PLCB4: variants seen among roughly 807,000 people sequenced by gnomAD.
PLCB4 encodes 1-phosphatidylinositol 4,5-bisphosphate phosphodiesterase beta-4.
Under a neutral mutation model 178.8 loss-of-function variants are expected in PLCB4, and 77 were observed. The ratio of observed to expected loss-of-function variants is 0.43; its 90% CI spans 0.36 to 0.52. The LOEUF is 0.52. Ranked by LOEUF, PLCB4 falls within the 20% of genes least tolerant of loss-of-function variation. The pLI, the probability that PLCB4 is intolerant of heterozygous loss-of-function variation, is 0.00. For synonymous variants in PLCB4, 496 were observed against 490.8 expected, an observed-to-expected ratio of 1.01 and a Z score of -0.14; for missense variants, 1,024 against 1,453.4, an observed-to-expected ratio of 0.70 and a Z score of 4.80.
chr20:9,200,528 ATG>A (rs2147184641), intron 2 of PLCB4, among the ~76,000 whole-genome samples: 1 of 152,326 alleles, frequency 6.6e-6, no homozygotes, highest in Non-Finnish European at 1.5e-5. Flanking sequence ...ACTGCTCAGA[ATG>A]TTCTGATTGC....
intron 3 of PLCB4, among the ~76,000 whole-genome samples, chr20:9,267,775 A>C (rs1471424273): frequency 3.3e-5 from 5 of 152,102 alleles, no homozygotes. Context: ...TCACTTTAAG[A>C]TGTGCTTGAT....
At chr20:9,478,786 T>C (rs2044723382) in intron 39 of PLCB4, 135 bp from the exon 40 acceptor site, 1 of 677,564 alleles carries the variant, frequency 1.5e-6, no homozygotes, top group Non-Finnish European at 2.7e-6. Context: ...CTGATGCTGC[T>C]TGTACATGGA....
intron 28 of PLCB4, 121 bp from the exon 29 acceptor site, chr20:9,435,438 GA>G: frequency 1.7e-6 from 1 of 598,812 alleles, no homozygotes; most frequent in Non-Finnish European, 2.9e-6. Context: ...TATGTCCTAG[GA>G]AAAGATTATT....
chr20:9,353,898 T>G (rs1355161290), intron 7 of PLCB4, among the ~76,000 whole-genome samples: 2 of 152,212 alleles, frequency 1.3e-5, no homozygotes, highest in African/African-American at 2.4e-5. Flanking sequence ...GTTCTGATCA[T>G]GTACCCCAAT....
chr20:9,366,867 G>A (rs764778240), intron 9 of PLCB4, among the ~76,000 whole-genome samples: 18 of 152,134 alleles, frequency 1.2e-4, no homozygotes, highest in Admixed American at 6.5e-5. Flanking sequence ...TAGCAAATAC[G>A]CAAATCAACA....
At chr20:9,414,281 C>T (rs2040085797) in intron 25 of PLCB4, among the ~76,000 whole-genome samples, 1 of 152,188 alleles carries the variant, frequency 6.6e-6, no homozygotes, top group Non-Finnish European at 1.5e-5. Flanking sequence ...TTCCCATACA[C>T]CCAGCTGGTG....
intron 2 of PLCB4, among the ~76,000 whole-genome samples, chr20:9,116,735 C>T (rs2091793297): frequency 6.6e-6 from 1 of 152,004 alleles, no homozygotes; most frequent in South Asian, 2.1e-4. Context: ...AAAAAAATCC[C>T]AGTGGAAATT....
intron 13 of PLCB4, among the ~76,000 whole-genome samples, chr20:9,381,328 G>C (rs1015387901): frequency 1.3e-5 from 2 of 152,128 alleles, no homozygotes; most frequent in Admixed American, 6.5e-5. Flanking sequence ...CAGTTTCCCT[G>C]CTTGTAAGGT....
At position 9,255,931 on chromosome 20, in the gene PLCB4, C is replaced by CAT. The variant is rs138284966; in HGVS notation, c.-16+38493_-16+38494dup. 9.0e-3 allele frequency among the ~76,000 whole-genome samples: 1,359 copies of CAT among 150,206 alleles called. 19 individuals carry two copies. The highest frequency in any genetic ancestry group is 0.03 in the African/African-American group (1,229 of 41,114). ...CAGATCTGTTGGGACTATTGCATAA[C>CAT]ATATATATATATATACACACACCAT... On this transcript the variant is annotated intron_variant, in intron 3 of 39. Transcript: ENST00000378473.
chr20:9,311,035 T>G (rs1384935972), intron 4 of PLCB4, among the ~76,000 whole-genome samples: 1 of 152,238 alleles, frequency 6.6e-6, no homozygotes, highest in African/African-American at 2.4e-5. Context: ...ATTAAATCTT[T>G]AAAAGACAGA....
chr20:9,302,913 T>C (rs895367895), intron 3 of PLCB4, among the ~76,000 whole-genome samples: 6 of 152,096 alleles, frequency 3.9e-5, no homozygotes, highest in South Asian at 2.1e-4. Context: ...CTCTTACTGA[T>C]TTAAAATGAA....
intron 2 of PLCB4, among the ~76,000 whole-genome samples, chr20:9,138,942 G>A (rs2092435664): frequency 6.6e-6 from 1 of 152,048 alleles, no homozygotes; most frequent in Admixed American, 6.6e-5. Flanking sequence ...GGTAACTATA[G>A]TACATGGGTA....
intron 8 of PLCB4, among the ~76,000 whole-genome samples, chr20:9,364,545 C>T (rs796947423): frequency 2.3e-4 from 35 of 152,252 alleles, no homozygotes; most frequent in African/African-American, 7.2e-4. Flanking sequence ...TCCCTCTTGC[C>T]GCCAAGTCTG....
At chr20:9,272,031 G>A (rs551135478) in intron 3 of PLCB4, among the ~76,000 whole-genome samples, 9 of 151,574 alleles carry the variant, frequency 5.9e-5, no homozygotes, top group Admixed American at 3.3e-4. Flanking sequence ...AAAAAAATTG[G>A]CTGGGCGTGG....
In PLCB4 at chr20:9,459,801, C is replaced by T. The variant is rs1489197873; in HGVS notation, c.3239C>T (p.Ser1080Phe). 1.3e-6 allele frequency: 2 copies of T among 1,599,852 alleles called. No individual in the cohort carries two copies. Among genetic ancestry groups the T allele is most frequent in the Non-Finnish European group, 1.7e-6 (2 of 1,168,496 alleles). Residue 1080 changes from serine to phenylalanine, a missense_variant, in exon 35 of 40, where the codon TCC (serine) becomes TTC (phenylalanine). Around this residue, in one of 7 missense-constraint regions of PLCB4, gnomAD observed 264 missense variants for 283.2 expected, o/e 0.93. Coordinates refer to ENST00000378473, the MANE Select transcript of PLCB4 (RefSeq NM_001377142.1). Reference protein sequence around the residue: ...HEQQTQQLKLSHDRESKEMRA... With the variant: ...HEQQTQQLKLFHDRESKEMRA... ...CAGCAAACCCAGCAGCTGAAACTGT[C>T]CCATGACAGGTGGGGGAATTGCCGT...
chr20:9,472,894 A>C, intron 37 of PLCB4, 47 bp downstream of exon 37: 1 of 1,064,128 alleles, frequency 9.4e-7, no homozygotes, highest in Non-Finnish European at 1.4e-6. Context: ...AAAAAACTAT[A>C]AACAATAACA....
chr20:9,182,175 G>T (rs762782213), intron 2 of PLCB4, among the ~76,000 whole-genome samples: 13 of 152,210 alleles, frequency 8.5e-5, no homozygotes, highest in Non-Finnish European at 1.9e-4. Context: ...CCTTGTTGAA[G>T]AATTGGTTCT....
At position 9,073,879 on chromosome 20, in the gene PLCB4, GT is replaced by G. The variant is rs929352206; in HGVS notation, c.-135+4674del. On this transcript the variant is annotated intron_variant, in intron 1 of 39. Coordinates refer to ENST00000378473, the MANE Select transcript of PLCB4 (RefSeq NM_001377142.1). ...CTCTAGCCTGGGTGACAGAGTGACA[GT>G]CTATTAAAAAATAATAATAAAATGA... is the stretch of plus-strand genomic sequence containing the variant. Among the ~76,000 whole-genome samples the G allele has an allele frequency of 1.0e-3, 100 of 95,736 alleles. 1 individual carries two copies. Among genetic ancestry groups the G allele is most frequent in the African/African-American group, 3.6e-3 (96 of 26,476 alleles). 62.8% of individuals were successfully genotyped at this position (95,736 alleles called of 152,430 possible).
At chr20:9,256,424 CTT>C (rs1299408005) in intron 3 of PLCB4, among the ~76,000 whole-genome samples, 1 of 152,198 alleles carries the variant, frequency 6.6e-6, no homozygotes, top group East Asian at 1.9e-4. Context: ...AATTGTCTCT[CTT>C]AGAGAAGTAG....
Sources: allele counts gnomAD v4.1 joint callset (sites outside exome capture counted in the v4.1 genomes callset), GRCh38; gene constraint gnomAD v4.1.1; regional missense constraint gnomAD v4.1.1; transcripts MANE v1.5; gene names NCBI Gene and HGNC (gene_info 2026-07-23, HGNC 2026-07-21).